Variants in ERICH1 observed in about 807,000 individuals in gnomAD.
ERICH1 encodes the protein glutamate-rich protein 1.
A neutral mutation model predicts 39.6 loss-of-function variants in ERICH1; 56 were observed. The observed-to-expected ratio is 1.41, with a 90% confidence interval of 1.14 to 1.77. ERICH1 has a LOEUF of 1.77. Ranked by LOEUF, ERICH1 falls within the 40% of genes most tolerant of loss-of-function variation. The pLI is 0.00. For missense variants in ERICH1, 826 were observed against 575.4 expected, an observed-to-expected ratio of 1.44 and a Z score of -4.45; for synonymous variants, 313 against 223.6, an observed-to-expected ratio of 1.40 and a Z score of -3.57.
intron 1 of ERICH1, among the ~76,000 whole-genome samples, chr8:722,200 G>A: frequency 6.6e-6 from 1 of 151,350 alleles, no homozygotes; most frequent in Non-Finnish European, 1.5e-5. Context: ...AAATAAAAAG[G>A]CAGAGGACGG....
At chr8:668,816 G>A (rs749566717) in intron 4 of ERICH1, 24 bp from the exon 5 acceptor site, 7 of 1,563,824 alleles carry the variant, frequency 4.5e-6, no homozygotes, top group Non-Finnish European at 3.5e-6. Flanking sequence ...GTTTTGCTTG[G>A]AAATACAGTT....
chr8:618,278 T>C (rs932215060), intron 3 of ERICH1, among the ~76,000 whole-genome samples: 1 of 152,050 alleles, frequency 6.6e-6, no homozygotes, highest in Non-Finnish European at 1.5e-5. Flanking sequence ...GAGTGCTTGG[T>C]GTTTGGTCCA....
chr8:678,038 CAG>C (rs1219882851), intron 3 of ERICH1, among the ~76,000 whole-genome samples: 1 of 151,834 alleles, frequency 6.6e-6, no homozygotes, highest in African/African-American at 2.4e-5. Context: ...GACTATAAAA[CAG>C]TAATTTAAAA....
intron 3 of ERICH1, chr8:626,828 T>C: frequency 4.0e-6 from 1 of 251,198 alleles, no homozygotes. Flanking sequence ...CATCATGGAG[T>C]TTTTGGTCTC....
intron 4 of ERICH1, among the ~76,000 whole-genome samples, chr8:673,020 G>T (rs1313665364): frequency 6.6e-6 from 1 of 152,248 alleles, no homozygotes; most frequent in Admixed American, 6.5e-5. Flanking sequence ...TGGCACAGCT[G>T]GCCAGGGCCA....
At chr8:651,484 G>A (rs951649349) in intron 3 of ERICH1, among the ~76,000 whole-genome samples, 1 of 152,212 alleles carries the variant, frequency 6.6e-6, no homozygotes, top group African/African-American at 2.4e-5. Flanking sequence ...CCTTGGCAAT[G>A]GGGCAGGTGG....
intron 3 of ERICH1, among the ~76,000 whole-genome samples, chr8:630,578 CACAG>C (rs1212658648): frequency 3.1e-4 from 32 of 104,184 alleles, no homozygotes; most frequent in Non-Finnish European, 5.0e-4. Flanking sequence ...TGACCACCCA[CACAG>C]ACAGAGCTGA....
chr8:629,171 T>C (rs1218405727), intron 3 of ERICH1, among the ~76,000 whole-genome samples: 1 of 151,892 alleles, frequency 6.6e-6, no homozygotes, highest in Non-Finnish European at 1.5e-5. Flanking sequence ...GATCATACGG[T>C]CCCACCCAGC....
chr8:672,304 G>C (rs1435161820), intron 4 of ERICH1: 1 of 152,170 alleles, frequency 6.6e-6, no homozygotes, highest in South Asian at 2.1e-4. Flanking sequence ...GTGCCATCTG[G>C]ATATATGTTT....
chr8:685,375 A>T (rs188360631), intron 3 of ERICH1, among the ~76,000 whole-genome samples: 1 of 152,176 alleles, frequency 6.6e-6, no homozygotes, highest in Non-Finnish European at 1.5e-5. Flanking sequence ...AGATGCCCAG[A>T]TTTCATATTG....
chr8:621,070 A>G (rs1797251872), intron 3 of ERICH1, among the ~76,000 whole-genome samples: 1 of 152,224 alleles, frequency 6.6e-6, no homozygotes, highest in African/African-American at 2.4e-5. Flanking sequence ...CATAAAGTAT[A>G]TTGTCTGAGC....
intron 3 of ERICH1, among the ~76,000 whole-genome samples, chr8:689,360 C>T (rs1485695888): frequency 6.6e-6 from 1 of 152,270 alleles, no homozygotes; most frequent in African/African-American, 2.4e-5. Flanking sequence ...ATCTGCCTGC[C>T]TTGGCCTCCC....
Position 632,514 on chromosome 8 carries a change from G to C in ERICH1, c.977-17230C>G, listed in dbSNP as rs961324146. On this transcript the variant is annotated intron_variant, in intron 3 of 3. Transcript: ENST00000522706. ...CTCATCTTTATAAGAACAAATTTAT[G>C]AACATTGTTTTGGGGACAGTGACTA... Among the ~76,000 whole-genome samples the C allele has an allele frequency of 3.9e-5, 6 of 152,270 alleles. No homozygotes were observed. In the South Asian group the frequency reaches 1.0e-3, roughly 26 times the overall value.
chr8:681,232 G>C (rs1037559769), intron 3 of ERICH1, among the ~76,000 whole-genome samples: 7 of 152,180 alleles, frequency 4.6e-5, no homozygotes, highest in Non-Finnish European at 7.3e-5. Context: ...CCCAGCCTGA[G>C]GAGGCTGAGT....
chr8:632,121 G>A (rs147863030), intron 3 of ERICH1, among the ~76,000 whole-genome samples: 2 of 152,172 alleles, frequency 1.3e-5, no homozygotes, highest in South Asian at 4.1e-4. Context: ...TTTGTGCTCA[G>A]GAGAGGAAAA....
At chr8:678,284 G>C (rs1037363609) in intron 3 of ERICH1, among the ~76,000 whole-genome samples, 3 of 152,178 alleles carry the variant, frequency 2.0e-5, no homozygotes, top group South Asian at 2.1e-4. Flanking sequence ...GAGGAGGCTT[G>C]AAAATCCAGC....
At position 715,988 on chromosome 8, in the gene ERICH1, C is replaced by A. The variant is rs1815884703; in HGVS notation, c.42G>T (p.Leu14=). 1 of 1,611,188 alleles carries A rather than the reference C, an allele frequency of 6.2e-7. No homozygotes were observed. Among genetic ancestry groups the A allele is most frequent in the Non-Finnish European group, 8.5e-7 (1 of 1,179,086 alleles). Residue 14 remains leucine, a synonymous_variant, in exon 2 of 6, where the codon CTG becomes CTT. Transcript: ENST00000262109. ...TTGGAACAGGAGGAAAAAGTCTCTG[C>A]AGCACCTTCTCCACAAACACTGTAC... is the stretch of plus-strand genomic sequence containing the variant. ...HRKHVFVEKV[L]QRLFPPVPSG...
intron 3 of ERICH1, among the ~76,000 whole-genome samples, chr8:692,100 T>C (rs1336021762): frequency 6.6e-6 from 1 of 152,200 alleles, no homozygotes; most frequent in African/African-American, 2.4e-5. Context: ...TGTCAGAAAT[T>C]CTGAAAAACT....
rs1434858144 is a variant in ERICH1, at chr8:673,329, T to G, written c.1023A>C (p.Leu341=). ...TITNEKAHSI[L]NFLKSTQEMY... Reference sequence around the variant, plus strand: ...TTTCCTGTGTTGACTTCAAAAAATTTAGAATACTGTGTGCCTTTTCATTGG... The same window carrying G: ...TTTCCTGTGTTGACTTCAAAAAATTGAGAATACTGTGTGCCTTTTCATTGG... The change falls in exon 4 of 6, where the codon CTA becomes CTC. Residue 341 remains leucine, a synonymous_variant. Transcript: ENST00000262109. 2 of 1,612,140 alleles carry G rather than the reference T, an allele frequency of 1.2e-6. No individual in the cohort carries two copies. Among genetic ancestry groups the G allele is most frequent in the East Asian group, 2.2e-5 (1 of 44,854 alleles).
Sources: gnomAD v4.1 joint callset for allele counts (sites outside exome capture counted in the v4.1 genomes callset) on GRCh38, gnomAD v4.1.1 for gene constraint, MANE v1.5 for transcripts, NCBI Gene and HGNC (gene_info 2026-07-23, HGNC 2026-07-21) for gene names.